The following COMMD10 variants were observed in gnomAD, a reference collection of about 807,000 sequenced individuals.
COMMD10 encodes COMM domain containing 10, also known as COMM domain-containing protein 10.
Under a neutral mutation model 28.9 loss-of-function variants are expected in COMMD10, and 33 were observed. That is an observed-to-expected ratio of 1.14 (90% CI 0.87 to 1.53). The LOEUF (loss-of-function observed/expected upper bound fraction) is 1.53, where lower values mean the gene tolerates loss of function less well. Among genes scored for constraint, COMMD10 ranks in the 40% most tolerant of loss-of-function variants. The probability of loss-of-function intolerance (pLI) is 0.00; values close to 1 mark genes in which losing one functional copy is unlikely to be tolerated. For synonymous variants in COMMD10, 110 were observed against 81.7 expected (o/e 1.35, Z -1.87); for missense variants, 310 against 233.4 (o/e 1.33, Z -2.14).
At chr5:116,219,133 C>T (rs965296927) in intron 5 of COMMD10, among the ~76,000 whole-genome samples, 4 of 152,082 alleles carry the variant, frequency 2.6e-5, no homozygotes, top group Non-Finnish European at 5.9e-5. Context: ...ACCAGCCCTG[C>T]GGACAACTTG....
chr5:116,093,801 C>T (rs1416131068), intron 4 of COMMD10, among the ~76,000 whole-genome samples: 2 of 152,168 alleles, frequency 1.3e-5, no homozygotes. Flanking sequence ...GTAACCAAAA[C>T]AGCATGGTGT....
intron 4 of COMMD10, among the ~76,000 whole-genome samples, chr5:116,099,068 C>A (rs980717788): frequency 6.6e-6 from 1 of 152,132 alleles, no homozygotes; most frequent in Non-Finnish European, 1.5e-5. Flanking sequence ...ACATTAGATT[C>A]CCAGAACTTA....
At chr5:116,225,180 G>C (rs1425527645) in intron 5 of COMMD10, among the ~76,000 whole-genome samples, 4 of 151,692 alleles carry the variant, frequency 2.6e-5, no homozygotes, top group Admixed American at 6.6e-5. Flanking sequence ...GATTTATTCT[G>C]TGTTCACTCA....
At chr5:116,219,701 C>G (rs1749196268) in intron 5 of COMMD10, among the ~76,000 whole-genome samples, 1 of 152,082 alleles carries the variant, frequency 6.6e-6, no homozygotes, top group East Asian at 1.9e-4. Context: ...TTTGTTTAAG[C>G]TATTGAGTTT....
chr5:116,177,211 G>A (rs1189150706), intron 5 of COMMD10, among the ~76,000 whole-genome samples: 1 of 152,088 alleles, frequency 6.6e-6, no homozygotes, highest in Non-Finnish European at 1.5e-5. Flanking sequence ...TGGGAAACTT[G>A]GGAGGGGTTG....
chr5:116,119,959 A>G (rs1698392133), intron 4 of COMMD10, among the ~76,000 whole-genome samples: 1 of 152,076 alleles, frequency 6.6e-6, no homozygotes, highest in Non-Finnish European at 1.5e-5. Context: ...TATAATTTGT[A>G]TAGTATATAC....
intron 5 of COMMD10, among the ~76,000 whole-genome samples, chr5:116,261,461 ATTC>A: frequency 6.6e-6 from 1 of 151,694 alleles, no homozygotes; most frequent in East Asian, 1.9e-4. Context: ...GTAGATGTGT[ATTC>A]TTCTCATAAC....
Position 116,293,272 on chromosome 5 carries a change from T to C in COMMD10, c.*783T>C, listed in dbSNP as rs998457404. The C allele has an allele frequency of 2.9e-6, 1 of 340,046 alleles. No individual in the cohort carries two copies. 21.1% of individuals were successfully genotyped at this position (340,046 alleles called of 1,614,324 possible). A position where few individuals can be genotyped will look rare whatever the true frequency, so the allele number is the denominator to read the frequency against. ...AATACGTTGATTTCTGTCAATAAAA[T>C]TTTTGTGTCTTAGGATTGGTTGAAG... is the stretch of plus-strand genomic sequence containing the variant. On this transcript the variant is annotated 3_prime_UTR_variant, in exon 7 of 7. Coordinates refer to ENST00000274458, the MANE Select transcript of COMMD10 (RefSeq NM_016144.4).
chr5:116,145,604 T>C (rs1042089673), intron 5 of COMMD10, among the ~76,000 whole-genome samples: 3 of 151,814 alleles, frequency 2.0e-5, no homozygotes, highest in African/African-American at 7.2e-5. Context: ...TACTCTCTGA[T>C]GTGGTTAGGC....
intron 5 of COMMD10, among the ~76,000 whole-genome samples, chr5:116,139,627 C>G (rs539474311): frequency 7.9e-5 from 12 of 151,026 alleles, no homozygotes; most frequent in Non-Finnish European, 1.6e-4. Flanking sequence ...CGTATCATAT[C>G]TTTATTAGAA....
At chr5:116,145,025 C>T (rs892603593) in intron 5 of COMMD10, among the ~76,000 whole-genome samples, 1 of 151,806 alleles carries the variant, frequency 6.6e-6, no homozygotes, top group Non-Finnish European at 1.5e-5. Flanking sequence ...GAACATTTCA[C>T]TTGTCTTCAT....
In COMMD10 at chr5:116,183,469, A is replaced by G. The variant is rs1405842829; in HGVS notation, c.510+49291A>G. On this transcript the variant is annotated intron_variant, in intron 5 of 6. Coordinates refer to ENST00000274458, the MANE Select transcript of COMMD10 (RefSeq NM_016144.4). ...TTTATTTTAAACATATTTTTCAGGT[A>G]TCCAAGGGACTGTTAGGAGGACTTA... Among the ~76,000 whole-genome samples, 4 of 152,268 alleles carry G rather than the reference A, an allele frequency of 2.6e-5. No individual in the cohort carries two copies. In the East Asian group the frequency reaches 7.7e-4, roughly 29 times the overall value.
rs575169867 is a variant in COMMD10, at chr5:116,209,352, A to G, written c.510+75174A>G. On this transcript the variant is annotated intron_variant, in intron 5 of 6. Coordinates refer to ENST00000274458, the MANE Select transcript of COMMD10 (RefSeq NM_016144.4). The stretch of plus-strand genomic sequence containing the variant: ...ACAGAAAAGATTATCTTAACTGACC[A>G]CTAACAACATAGTTGCCAGTTTGGC... Among the ~76,000 whole-genome samples the G allele has an allele frequency of 3.9e-5, 6 of 152,288 alleles. No homozygotes were observed. In the East Asian group the frequency reaches 1.2e-3, roughly 29 times the overall value.
intron 5 of COMMD10, among the ~76,000 whole-genome samples, chr5:116,245,958 C>T (rs1402808507): frequency 6.6e-6 from 1 of 152,056 alleles, no homozygotes; most frequent in Non-Finnish European, 1.5e-5. Context: ...CACTCCTATT[C>T]AACATAGTAT....
In COMMD10 at chr5:116,091,162, T is replaced by C. The variant is rs1580436028; in HGVS notation, c.216T>C (p.Leu72=). 1 of 1,603,210 alleles carries C rather than the reference T, an allele frequency of 6.2e-7. No homozygotes were observed. The highest frequency in any genetic ancestry group is 1.1e-5 in the South Asian group (1 of 89,516). The change falls in exon 3 of 7, where the codon CTT becomes CTC. Residue 72 remains leucine (L), a synonymous_variant. Coordinates refer to ENST00000274458, the MANE Select transcript of COMMD10 (RefSeq NM_016144.4). ...AGAAACAAGATCTTCACCTAGTTCT[T>C]GAAACAATATCATTTATTTTAGAAC... is the stretch of plus-strand genomic sequence containing the variant. ...SLEKQDLHLV[L]ETISFILEQA...
chr5:116,109,089 T>C (rs1750951995), intron 4 of COMMD10, among the ~76,000 whole-genome samples: 1 of 152,196 alleles, frequency 6.6e-6, no homozygotes, highest in Non-Finnish European at 1.5e-5. Context: ...AGAAATCACC[T>C]GCCTTCTGCA....
chr5:116,259,873 A>AT (rs1382784016), intron 5 of COMMD10, among the ~76,000 whole-genome samples: 1 of 151,670 alleles, frequency 6.6e-6, no homozygotes, highest in Non-Finnish European at 1.5e-5. Flanking sequence ...TTTATTGACC[A>AT]TGAGCTTTGA....
intron 5 of COMMD10, among the ~76,000 whole-genome samples, chr5:116,237,989 G>T (rs1262483295): frequency 6.6e-6 from 1 of 152,066 alleles, no homozygotes; most frequent in Non-Finnish European, 1.5e-5. Flanking sequence ...AAAGCAATCT[G>T]CTCCCAGAAT....
At chr5:116,292,246 C>T (rs996064959) in intron 6 of COMMD10, among the ~76,000 whole-genome samples, 1 of 151,852 alleles carries the variant, frequency 6.6e-6, no homozygotes, top group Non-Finnish European at 1.5e-5. Flanking sequence ...AATTTGAAAA[C>T]TTAAATTTTC....
Sources: allele counts gnomAD v4.1 joint callset (sites outside exome capture counted in the v4.1 genomes callset), GRCh38; gene constraint gnomAD v4.1.1; transcripts MANE v1.5; gene names NCBI Gene and HGNC (gene_info 2026-07-23, HGNC 2026-07-21).